Variants in ATP11A observed in about 807,000 individuals in gnomAD.
ATP11A encodes the protein ATPase phospholipid transporting 11A.
Under a neutral mutation model 154.4 loss-of-function variants are expected in ATP11A, and 81 were observed. The ratio of observed to expected loss-of-function variants is 0.52; its 90% CI spans 0.44 to 0.63. The LOEUF is 0.63. Ranked by LOEUF, ATP11A falls within the 30% of genes least tolerant of loss-of-function variation. The pLI is 0.00. For synonymous variants in ATP11A, 623 were observed against 585.9 expected (o/e 1.06, Z -0.91); for missense variants, 1,316 against 1,474.3 (o/e 0.89, Z 1.76).
intron 1 of ATP11A, among the ~76,000 whole-genome samples, chr13:112,771,813 G>A (rs2077231351): frequency 6.6e-6 from 1 of 152,206 alleles, no homozygotes; most frequent in South Asian, 2.1e-4. Flanking sequence ...ATACATAAAT[G>A]TTATAAACAC....
At position 112,768,979 on chromosome 13, in the gene ATP11A, G is replaced by T. The variant is rs557958252; in HGVS notation, c.40-16156G>T. ...CGGGCAGTGGAGGCTGCACTGTGAC[G>T]TTAGTAACTGTGAAGGTGTGACCCA... On this transcript the variant is annotated intron_variant, in intron 1 of 29. Transcript: ENST00000375645. Among the ~76,000 whole-genome samples the T allele has an allele frequency of 8.8e-4, 134 of 152,304 alleles. 2 individuals are homozygous for T. Among genetic ancestry groups the T allele is most frequent in the African/African-American group, 3.1e-3 (130 of 41,570 alleles).
At chr13:112,865,491 G>A (rs540156021) in intron 25 of ATP11A, among the ~76,000 whole-genome samples, 15 of 152,204 alleles carry the variant, frequency 9.9e-5, no homozygotes, top group African/African-American at 2.9e-4. Context: ...TTTAAAGATC[G>A]CATTACCTGA....
At position 112,859,142 on chromosome 13, in the gene ATP11A, C is replaced by A. The variant is rs1175353438; in HGVS notation, c.2668-251C>A. 3.9e-6 allele frequency: 2 copies of A among 511,604 alleles called. No homozygotes were observed. The highest frequency in any genetic ancestry group is 7.1e-6 in the Non-Finnish European group (2 of 280,590). 31.7% of individuals were successfully genotyped at this position (511,604 alleles called of 1,614,324 possible). A position where few individuals can be genotyped will look rare whatever the true frequency, so the allele number is the denominator to read the frequency against. On this transcript the variant is annotated intron_variant, in intron 22 of 29. Transcript: ENST00000375645. This position sits in a 1 kb window ranked among gnomAD's most constrained non-coding sequence, Gnocchi z 4.3. ...CCCGTTTATACTGATACCTGCATTG[C>A]CTTCTTGTTTCTCTTGGAGCTGACA...
chr13:112,868,433 A>G (rs1007331912), intron 25 of ATP11A, among the ~76,000 whole-genome samples: 7 of 152,306 alleles, frequency 4.6e-5, no homozygotes, highest in Non-Finnish European at 7.4e-5. Flanking sequence ...AAGTGGGGGC[A>G]TGGGGCTTAG....
At chr13:112,710,107 G>A (rs1176579610) in intron 1 of ATP11A, among the ~76,000 whole-genome samples, 1 of 152,248 alleles carries the variant, frequency 6.6e-6, no homozygotes, top group East Asian at 1.9e-4. Context: ...GCCACTCTCA[G>A]CATCCACATT....
At chr13:112,794,010 T>C (rs994710317) in intron 2 of ATP11A, among the ~76,000 whole-genome samples, 12 of 152,368 alleles carry the variant, frequency 7.9e-5, no homozygotes, top group African/African-American at 2.6e-4. Context: ...CTGTGGACTC[T>C]GGCTATGGCG....
chr13:112,818,049 A>AT (rs1302100798), intron 6 of ATP11A, among the ~76,000 whole-genome samples: 1 of 152,236 alleles, frequency 6.6e-6, no homozygotes, highest in Non-Finnish European at 1.5e-5. Context: ...AATTTAGAAA[A>AT]TAAGCGCCCC....
chr13:112,800,344 A>G lies in ATP11A; in HGVS notation c.163-4613A>G, dbSNP rs1235689032. ...ACTACTGGTAACATGGCTAATAAAA[A>G]GATTAAAAGGAATATCATGAACAGC... On this transcript the variant is annotated intron_variant, in intron 2 of 29. Transcript: ENST00000375645. Among the ~76,000 whole-genome samples the G allele has an allele frequency of 2.0e-5, 3 of 152,206 alleles. No individual in the cohort carries two copies. In the East Asian group the frequency reaches 5.8e-4, roughly 29 times the overall value.
chr13:112,842,569 CCCAGCCAGGCACAGGCTGT>C (rs568917550), intron 17 of ATP11A, among the ~76,000 whole-genome samples, 190 bp downstream of exon 17: 5 of 152,228 alleles, frequency 3.3e-5, no homozygotes, highest in Admixed American at 6.5e-5. Flanking sequence ...GCCTCCGATA[CCCAGCCAGGCACAGGCTGT>C]CCAGCCAGGC....
At position 112,826,795 on chromosome 13, in the gene ATP11A, C is replaced by T. The variant is rs199854436; in HGVS notation, c.1125C>T (p.Gly375=). ...YVTVEMQKFL[G]SYFITWDEDM... ...CGGTCGAGATGCAGAAGTTCCTCGG[C>T]TCTTACTTCATCACCTGGGACGAAG... Residue 375 remains glycine (G), a synonymous_variant, in exon 12 of 30, where the codon GGC becomes GGT. Transcript: ENST00000375645. 1.2e-6 allele frequency: 2 copies of T among 1,614,180 alleles called. No individual in the cohort carries two copies. The highest frequency in any genetic ancestry group is 1.7e-5 in the Admixed American group (1 of 60,020).
intron 1 of ATP11A, among the ~76,000 whole-genome samples, chr13:112,730,803 G>A (rs138548463): frequency 4.6e-5 from 7 of 152,330 alleles, no homozygotes; most frequent in Non-Finnish European, 7.3e-5. Flanking sequence ...GAATCAAGTC[G>A]TGCTGCAGAG....
At chr13:112,712,809 T>C (rs1049351206) in intron 1 of ATP11A, among the ~76,000 whole-genome samples, 5 of 152,230 alleles carry the variant, frequency 3.3e-5, no homozygotes, top group South Asian at 2.1e-4. Context: ...TGTCATCCCC[T>C]GTCTTTTGGG....
intron 4 of ATP11A, among the ~76,000 whole-genome samples, chr13:112,809,442 C>A (rs1196981097): frequency 6.6e-6 from 1 of 152,148 alleles, no homozygotes; most frequent in African/African-American, 2.4e-5. Context: ...CCACGTGGCC[C>A]ACAGGGAGGA....
intron 12 of ATP11A, among the ~76,000 whole-genome samples, chr13:112,829,039 C>T (rs2079022117): frequency 6.6e-6 from 1 of 152,368 alleles, no homozygotes; most frequent in East Asian, 1.9e-4. Flanking sequence ...TTCTCTGTAT[C>T]CTGTGTGCTC....
intron 1 of ATP11A, among the ~76,000 whole-genome samples, chr13:112,755,749 C>G (rs1172451228): frequency 6.6e-6 from 1 of 150,718 alleles, no homozygotes; most frequent in African/African-American, 2.5e-5. Flanking sequence ...ACGGAAGCGG[C>G]ACTCAGAGCG....
At chr13:112,815,910 G>T (rs911105839) in intron 5 of ATP11A, among the ~76,000 whole-genome samples, 173 bp from the exon 6 acceptor site, 1 of 152,120 alleles carries the variant, frequency 6.6e-6, no homozygotes, top group Non-Finnish European at 1.5e-5. Flanking sequence ...ACCTGACCTG[G>T]TCTTTCCTTG....
At chr13:112,852,524 C>T (rs1037549330) in intron 18 of ATP11A, among the ~76,000 whole-genome samples, 1 of 152,188 alleles carries the variant, frequency 6.6e-6, no homozygotes, top group Non-Finnish European at 1.5e-5. Context: ...CGCAGGGCCA[C>T]GGCCGCCGAA....
chr13:112,881,389 G>T (rs1237111201), intron 29 of ATP11A: 3 of 1,042,676 alleles, frequency 2.9e-6, no homozygotes, highest in East Asian at 8.8e-5. Flanking sequence ...TGTGGGGTGG[G>T]GCCTGCCTTC....
chr13:112,878,391 C>G, intron 29 of ATP11A, 88 bp downstream of exon 29: 1 of 1,443,858 alleles, frequency 6.9e-7, no homozygotes, highest in Admixed American at 1.7e-5. Context: ...AGTCCACGTG[C>G]TCTGACGCAG....
Sources: allele counts gnomAD v4.1 joint callset (sites outside exome capture counted in the v4.1 genomes callset), GRCh38; gene constraint gnomAD v4.1.1; non-coding constraint Gnocchi (gnomAD v3.1); transcripts MANE v1.5; gene names NCBI Gene and HGNC (gene_info 2026-07-23, HGNC 2026-07-21).